Variants in CAMK2D observed in about 807,000 individuals in gnomAD.
CAMK2D encodes the protein calcium/calmodulin dependent protein kinase II delta.
In CAMK2D, 37 loss-of-function variants were observed where a neutral mutation model predicts 84.0. The observed-to-expected ratio is 0.44, with a 90% confidence interval of 0.34 to 0.58. CAMK2D has a LOEUF of 0.58. Among genes scored for constraint, CAMK2D ranks in the 20% least tolerant of loss-of-function variants. The pLI, the probability that CAMK2D is intolerant of heterozygous loss-of-function variation, is 0.02. For synonymous variants in CAMK2D, 202 were observed against 212.5 expected (o/e 0.95, Z 0.43); for missense variants, 448 against 652.5 (o/e 0.69, Z 3.41).
intron 3 of CAMK2D, among the ~76,000 whole-genome samples, chr4:113,645,257 C>T (rs970071578): frequency 6.6e-6 from 1 of 152,152 alleles, no homozygotes; most frequent in Non-Finnish European, 1.5e-5. Flanking sequence ...ACCTCATGAT[C>T]CGCCCGCCTC....
At chr4:113,484,334 CTAAGAA>C (rs1220019055) in intron 16 of CAMK2D, among the ~76,000 whole-genome samples, 1 of 152,158 alleles carries the variant, frequency 6.6e-6, no homozygotes, top group East Asian at 1.9e-4. Flanking sequence ...CTATCTCTCT[CTAAGAA>C]TGAGTCTAGA....
At chr4:113,704,466 A>C (rs2099435299) in intron 2 of CAMK2D, among the ~76,000 whole-genome samples, 1 of 151,924 alleles carries the variant, frequency 6.6e-6, no homozygotes, top group African/African-American at 2.4e-5. Flanking sequence ...AAGCAAGTCC[A>C]TAATCACATT....
intron 20 of CAMK2D, among the ~76,000 whole-genome samples, chr4:113,455,206 A>G (rs2097290501): frequency 6.6e-6 from 1 of 152,224 alleles, no homozygotes; most frequent in Non-Finnish European, 1.5e-5. Flanking sequence ...ATCCTCTGGA[A>G]TTACCCATTT....
At chr4:113,583,055 G>T (rs147459493) in intron 4 of CAMK2D, among the ~76,000 whole-genome samples, 1 of 152,312 alleles carries the variant, frequency 6.6e-6, no homozygotes, top group Non-Finnish European at 1.5e-5. Flanking sequence ...TCACCAAGTG[G>T]CCTAAAACAG....
At chr4:113,541,454 C>A (rs2098529336) in intron 6 of CAMK2D, among the ~76,000 whole-genome samples, 1 of 152,154 alleles carries the variant, frequency 6.6e-6, no homozygotes, top group Non-Finnish European at 1.5e-5. Flanking sequence ...TTATCATAAT[C>A]TTTATTAATA....
intron 4 of CAMK2D, among the ~76,000 whole-genome samples, chr4:113,586,675 T>C (rs551612097): frequency 9.9e-5 from 15 of 152,238 alleles, no homozygotes; most frequent in East Asian, 3.9e-4. Context: ...TTGGTCCAAA[T>C]AGAACCAGCT....
intron 3 of CAMK2D, among the ~76,000 whole-genome samples, chr4:113,636,258 C>A (rs2099109431): frequency 6.6e-6 from 1 of 152,216 alleles, no homozygotes; most frequent in Non-Finnish European, 1.5e-5. Context: ...CATATCCAAT[C>A]CACCAGTACA....
chr4:113,562,927 A>T (rs2189206), intron 4 of CAMK2D, among the ~76,000 whole-genome samples: 98 of 152,334 alleles, frequency 6.4e-4, no homozygotes, highest in Admixed American at 1.7e-3. Flanking sequence ...CTATTCAACA[A>T]TACAACAAGA....
intron 2 of CAMK2D, among the ~76,000 whole-genome samples, chr4:113,729,274 G>A (rs115909074): frequency 9.9e-5 from 15 of 152,042 alleles, no homozygotes; most frequent in Non-Finnish European, 2.2e-4. Context: ...ATCATGTTAT[G>A]CCTCTGCTTA....
At chr4:113,517,112 C>A (rs986751562) in intron 9 of CAMK2D, among the ~76,000 whole-genome samples, 1 of 151,514 alleles carries the variant, frequency 6.6e-6, no homozygotes, top group Non-Finnish European at 1.5e-5. Context: ...CCAAACAGTA[C>A]AAAAACAAAA....
chr4:113,701,411 T>C (rs1294957796), intron 2 of CAMK2D, among the ~76,000 whole-genome samples: 2 of 152,168 alleles, frequency 1.3e-5, no homozygotes, highest in African/African-American at 4.8e-5. Context: ...TGCAAAATGT[T>C]GATTAGAGAA....
chr4:113,489,245 C>T (rs1448720370), intron 16 of CAMK2D, among the ~76,000 whole-genome samples: 4 of 150,458 alleles, frequency 2.7e-5, no homozygotes, highest in African/African-American at 7.3e-5. Flanking sequence ...CCCACTAACT[C>T]GTCATCTAGC....
At chr4:113,642,099 C>T (rs763938804) in intron 3 of CAMK2D, among the ~76,000 whole-genome samples, 4 of 151,882 alleles carry the variant, frequency 2.6e-5, no homozygotes, top group East Asian at 1.9e-4. Flanking sequence ...TCCTAGAGCC[C>T]GCTCCAGATC....
chr4:113,738,050 G>A (rs77129938), intron 2 of CAMK2D, among the ~76,000 whole-genome samples: 2,135 of 152,014 alleles, frequency 0.014, 46 homozygotes, highest in African/African-American at 0.048. Flanking sequence ...CTCAAAATAG[G>A]CTTTTTCAAA....
At chr4:113,599,883 G>A (rs1318469139) in intron 4 of CAMK2D, among the ~76,000 whole-genome samples, 1 of 137,030 alleles carries the variant, frequency 7.3e-6, no homozygotes, top group Admixed American at 8.9e-5. Flanking sequence ...TGAAGAGGAG[G>A]AGGAGGAAGA....
At chr4:113,507,922 G>GT (rs1000986299) in intron 13 of CAMK2D, among the ~76,000 whole-genome samples, 1 of 150,352 alleles carries the variant, frequency 6.7e-6, no homozygotes, top group Non-Finnish European at 1.5e-5. Flanking sequence ...AAAACATATA[G>GT]TTTTTTGTTT....
At chr4:113,585,141 T>G (rs1025857594) in intron 4 of CAMK2D, among the ~76,000 whole-genome samples, 2 of 152,200 alleles carry the variant, frequency 1.3e-5, no homozygotes, top group Non-Finnish European at 2.9e-5. Context: ...ATTTTTCCAC[T>G]AGAGGAGAGG....
At chr4:113,488,707 AG>A (rs1445168522) in intron 16 of CAMK2D, among the ~76,000 whole-genome samples, 1 of 152,234 alleles carries the variant, frequency 6.6e-6, no homozygotes, top group East Asian at 1.9e-4. Flanking sequence ...AACTCATTAC[AG>A]GGTTTCACAA....
chr4:113,509,899 C>T (rs2098187538), intron 12 of CAMK2D, among the ~76,000 whole-genome samples: 2 of 152,294 alleles, frequency 1.3e-5, no homozygotes, highest in Admixed American at 6.5e-5. Flanking sequence ...AAGAGTAGTT[C>T]GTTGCATACA....
Sources: gnomAD v4.1 joint callset for allele counts (sites outside exome capture counted in the v4.1 genomes callset) on GRCh38, gnomAD v4.1.1 for gene constraint, MANE v1.5 for transcripts, NCBI Gene and HGNC (gene_info 2026-07-23, HGNC 2026-07-21) for gene names.